The following NCOA3 variants were observed in gnomAD, a reference collection of about 807,000 sequenced individuals.
The protein encoded by NCOA3 is nuclear receptor coactivator 3.
NCOA3 carries 51 observed loss-of-function variants against 158.8 expected under a neutral mutation model. The ratio of observed to expected loss-of-function variants is 0.32; its 90% CI spans 0.26 to 0.41. The LOEUF is 0.41. Among genes scored for constraint, NCOA3 ranks in the 10% least tolerant of loss-of-function variants. The pLI is 1.00. For missense variants in NCOA3, 1,510 were observed against 1,746.6 expected, an observed-to-expected ratio of 0.86 and a Z score of 2.41; for synonymous variants, 537 against 592.4, an observed-to-expected ratio of 0.91 and a Z score of 1.36.
chr20:47,612,086 C>T (rs978818808), intron 2 of NCOA3, among the ~76,000 whole-genome samples: 6 of 152,152 alleles, frequency 3.9e-5, no homozygotes, highest in Non-Finnish European at 8.8e-5. Context: ...CTTGGCCTCC[C>T]AAAGTGTTGA....
chr20:47,539,055 A>C (rs2084681278), intron 1 of NCOA3, among the ~76,000 whole-genome samples: 1 of 152,098 alleles, frequency 6.6e-6, no homozygotes, highest in Non-Finnish European at 1.5e-5. Context: ...GGTTTGCCTG[A>C]GTTGTGTTTT....
intron 1 of NCOA3, among the ~76,000 whole-genome samples, chr20:47,520,928 G>A (rs1032520953): frequency 6.6e-6 from 1 of 152,058 alleles, no homozygotes; most frequent in African/African-American, 2.4e-5. Flanking sequence ...CACTCACTCT[G>A]TCCAGCAGTA....
intron 1 of NCOA3, among the ~76,000 whole-genome samples, chr20:47,520,873 T>TC (rs1019870211): frequency 2.0e-5 from 3 of 152,202 alleles, no homozygotes; most frequent in African/African-American, 7.2e-5. Flanking sequence ...CACGGCAGGA[T>TC]CTGCCCTAAG....
At chr20:47,544,511 T>C (rs933860473) in intron 1 of NCOA3, among the ~76,000 whole-genome samples, 1 of 152,094 alleles carries the variant, frequency 6.6e-6, no homozygotes, top group South Asian at 2.1e-4. Context: ...TTATGAAGTT[T>C]GTATTTTGTT....
chr20:47,609,153 T>G (rs542259767), intron 2 of NCOA3, among the ~76,000 whole-genome samples: 1 of 152,310 alleles, frequency 6.6e-6, no homozygotes, highest in Non-Finnish European at 1.5e-5. Context: ...ATGATCTACT[T>G]ACTAGTTTGT....
intron 2 of NCOA3, among the ~76,000 whole-genome samples, chr20:47,609,237 C>T (rs1157171026): frequency 6.6e-6 from 1 of 152,160 alleles, no homozygotes; most frequent in Non-Finnish European, 1.5e-5. Flanking sequence ...TCATCTACCC[C>T]AAGCACTTAG....
intron 2 of NCOA3, among the ~76,000 whole-genome samples, chr20:47,604,685 A>G (rs1184540069): frequency 6.6e-6 from 1 of 152,082 alleles, no homozygotes; most frequent in African/African-American, 2.4e-5. Flanking sequence ...TGAGCCTCCC[A>G]CCTCAGCTTT....
rs574184287 is a variant in NCOA3 at position 47,636,401 on chromosome 20, A to G, written c.2015A>G (p.Asn672Ser). The G allele has an allele frequency of 4.3e-5, 70 of 1,614,090 alleles. 1 individual carries two copies. The South Asian group carries it at 4.8e-4, about 11-fold the overall frequency. Residue 672 changes from asparagine (N) to serine (S), a missense_variant, in exon 12 of 23, where the codon AAT becomes AGT. Transcript: ENST00000371998. ...TCTGGAGGAGTATCCTCTACATCCAATATGCATGGGTCACTGTTACAAGAG... is the reference window on the plus strand; with the variant it reads ...TCTGGAGGAGTATCCTCTACATCCAGTATGCATGGGTCACTGTTACAAGAG... ...STSGGVSSTS[N>S]MHGSLLQEKH...
Position 47,654,779 on chromosome 20 carries a change from T to A in NCOA3, c.*1362T>A, listed in dbSNP as rs939339322. ...TAAACTTAAAAAAAAATCAGGAATT[T>A]AAAAAAACGAGCAATTTGAAGAGAA... On this transcript the variant is annotated 3_prime_UTR_variant, in exon 23 of 23. Coordinates refer to ENST00000371998, the MANE Select transcript of NCOA3 (RefSeq NM_181659.3). 2.6e-5 allele frequency: 4 copies of A among 152,198 alleles called. No individual in the cohort carries two copies. Among genetic ancestry groups the A allele is most frequent in the African/African-American group, 9.6e-5 (4 of 41,516 alleles). 9.4% of individuals were successfully genotyped at this position (152,198 alleles called of 1,614,324 possible).
chr20:47,588,624 A>G (rs572878885), intron 2 of NCOA3, among the ~76,000 whole-genome samples: 3 of 152,304 alleles, frequency 2.0e-5, no homozygotes, highest in Admixed American at 2.0e-4. Context: ...TTGCTTTTGT[A>G]TCCCTTCCAT....
At chr20:47,520,674 G>A (rs576550111) in intron 1 of NCOA3, among the ~76,000 whole-genome samples, 25 of 151,826 alleles carry the variant, frequency 1.6e-4, no homozygotes, top group African/African-American at 5.8e-4. Flanking sequence ...GTCTTGCCTT[G>A]CCTGCCCTGG....
chr20:47,640,290 A>G (rs2086582425), intron 16 of NCOA3, among the ~76,000 whole-genome samples: 2 of 152,232 alleles, frequency 1.3e-5, no homozygotes, highest in African/African-American at 4.8e-5. Context: ...CATTAGGGCC[A>G]TTCAGTGGCC....
Position 47,627,119 on chromosome 20 carries a change from A to G in NCOA3, c.475A>G (p.Asn159Asp). 1.2e-6 allele frequency: 2 copies of G among 1,612,784 alleles called. No homozygotes were observed. Among genetic ancestry groups the G allele is most frequent in the Non-Finnish European group, 1.7e-6 (2 of 1,179,040 alleles). Residue 159 changes from asparagine to aspartate, a missense_variant, in exon 6 of 23, where the codon AAT (asparagine) becomes GAT (aspartate). Transcript: ENST00000371998. Reference protein sequence around the residue: ...QEDLVNTSVYNILHEEDRKDF... With the variant: ...QEDLVNTSVYDILHEEDRKDF... ...GGACCTGGTTAACACAAGTGTTTAC[A>G]ATATCTTACATGAAGAAGACAGAAA...
Position 47,653,542 on chromosome 20 carries a change from A to G in NCOA3, c.*125A>G, listed in dbSNP as rs2086830976. The G allele has an allele frequency of 5.1e-6, 6 of 1,174,038 alleles. No individual in the cohort carries two copies. Among genetic ancestry groups the G allele is most frequent in the South Asian group, 2.6e-5 (2 of 75,600 alleles). 72.7% of individuals were successfully genotyped at this position (1,174,038 alleles called of 1,614,324 possible). A position where few individuals can be genotyped will look rare whatever the true frequency, so the allele number is the denominator to read the frequency against. On this transcript the variant is annotated 3_prime_UTR_variant, in exon 23 of 23. Transcript: ENST00000371998. ...AAAGGACCAGCTTTGAGCTCCATCA[A>G]GGGTATTTTAAGTGATGTCATTTGA... is the stretch of plus-strand genomic sequence containing the variant.
chr20:47,622,196 G>A (rs1346730156), intron 2 of NCOA3, 33 bp from the exon 3 acceptor site: 10 of 1,180,428 alleles, frequency 8.5e-6, no homozygotes, highest in Non-Finnish European at 1.1e-5. Flanking sequence ...ATTTTTTAAT[G>A]TACTTATCTT....
intron 1 of NCOA3, among the ~76,000 whole-genome samples, chr20:47,524,274 A>G (rs1043304429): frequency 2.0e-5 from 3 of 146,390 alleles, no homozygotes; most frequent in African/African-American, 5.4e-5. Context: ...ATCTTTTCTA[A>G]CATACCTGTT....
At chr20:47,563,761 C>T (rs986491723) in intron 1 of NCOA3, among the ~76,000 whole-genome samples, 2 of 151,610 alleles carry the variant, frequency 1.3e-5, no homozygotes, top group Non-Finnish European at 2.9e-5. Flanking sequence ...TGGTGGCAGG[C>T]GCCTGTAGAC....
At chr20:47,582,536 A>AT (rs1453934182) in intron 1 of NCOA3, among the ~76,000 whole-genome samples, 1 of 150,884 alleles carries the variant, frequency 6.6e-6, no homozygotes, top group Non-Finnish European at 1.5e-5. Context: ...TTTAATTTTT[A>AT]TTTTTTTGTG....
At chr20:47,558,819 AC>A (rs2085053552) in intron 1 of NCOA3, among the ~76,000 whole-genome samples, 1 of 72,564 alleles carries the variant, frequency 1.4e-5, no homozygotes, top group Non-Finnish European at 2.9e-5. Context: ...TACTTTTTTC[AC>A]TTTTTTTTTT....
Sources: gnomAD v4.1 joint callset for allele counts (sites outside exome capture counted in the v4.1 genomes callset) on GRCh38, gnomAD v4.1.1 for gene constraint, MANE v1.5 for transcripts, NCBI Gene and HGNC (gene_info 2026-07-23, HGNC 2026-07-21) for gene names.